TTLL11: variants seen among roughly 807,000 people sequenced by gnomAD.
TTLL11 encodes tubulin polyglutamylase TTLL11.
TTLL11 carries 42 observed loss-of-function variants against 51.7 expected under a neutral mutation model. The observed-to-expected ratio is 0.81, with a 90% CI of 0.64 to 1.05. The LOEUF is 1.05. Among genes scored for constraint, TTLL11 ranks in the 50% least tolerant of loss-of-function variants. The pLI is 0.00. For synonymous variants in TTLL11, 381 were observed against 383.5 expected (o/e 0.99, Z 0.08); for missense variants, 799 against 940.4 (o/e 0.85, Z 1.97).
At chr9:122,025,534 C>T (rs1470386559) in intron 3 of TTLL11, among the ~76,000 whole-genome samples, 2 of 152,176 alleles carry the variant, frequency 1.3e-5, no homozygotes, top group Admixed American at 6.5e-5. Flanking sequence ...TTGGGAGGAT[C>T]GCTTGAGCCT....
At chr9:122,077,816 C>T (rs1254754868) in intron 1 of TTLL11, among the ~76,000 whole-genome samples, 1 of 124,194 alleles carries the variant, frequency 8.1e-6, no homozygotes, top group African/African-American at 3.0e-5. Context: ...TGTATTAGAC[C>T]ATAAAGCAAA....
intron 3 of TTLL11, among the ~76,000 whole-genome samples, chr9:122,020,367 A>C (rs1329154134): frequency 1.3e-5 from 2 of 152,058 alleles, no homozygotes; most frequent in African/African-American, 2.4e-5. Flanking sequence ...ATCACCAACA[A>C]AGTTTTACTC....
chr9:121,844,464 C>T (rs1837455222), intron 8 of TTLL11, among the ~76,000 whole-genome samples: 1 of 152,088 alleles, frequency 6.6e-6, no homozygotes, highest in Non-Finnish European at 1.5e-5. Context: ...GGCTGGCTTT[C>T]AACAAAACAT....
At chr9:121,938,145 C>T (rs1030877126) in intron 6 of TTLL11, among the ~76,000 whole-genome samples, 6 of 151,988 alleles carry the variant, frequency 3.9e-5, no homozygotes, top group African/African-American at 1.4e-4. Context: ...AAACATTAGC[C>T]GGGCATGGTG....
In TTLL11 at chr9:121,890,145, T is replaced by C. The variant is rs887036886; in HGVS notation, c.1482-19397A>G. 6.6e-6 allele frequency among the ~76,000 whole-genome samples: 1 copy of C among 152,122 alleles called. No homozygotes were observed. The highest frequency in any genetic ancestry group is 1.5e-5 in the Non-Finnish European group (1 of 68,016). On this transcript the variant is annotated intron_variant, in intron 6 of 8. Transcript: ENST00000321582. The surrounding 1 kb of genome is among the most constrained non-coding windows in gnomAD (Gnocchi z 4.3). ...GGCAAGTTACTTTTCAGTTAGTCATTTTTCTACCCCAATTCTGAGCCTCCA... is the reference window on the plus strand; with the variant it reads ...GGCAAGTTACTTTTCAGTTAGTCATCTTTCTACCCCAATTCTGAGCCTCCA...
At chr9:121,878,844 A>G (rs1167453130) in intron 6 of TTLL11, among the ~76,000 whole-genome samples, 1 of 152,162 alleles carries the variant, frequency 6.6e-6, no homozygotes, top group Non-Finnish European at 1.5e-5. Context: ...GAGGCAATGA[A>G]ACATTTTGTA....
At chr9:122,031,107 T>G (rs1176566566) in intron 3 of TTLL11, among the ~76,000 whole-genome samples, 1 of 152,180 alleles carries the variant, frequency 6.6e-6, no homozygotes, top group Non-Finnish European at 1.5e-5. Context: ...CACAAAGGCT[T>G]TGAAGGGGTC....
intron 6 of TTLL11, among the ~76,000 whole-genome samples, chr9:121,883,691 A>C (rs1402965339): frequency 6.6e-6 from 1 of 152,160 alleles, no homozygotes; most frequent in Non-Finnish European, 1.5e-5. Flanking sequence ...TCACTGCACA[A>C]TTCCCCAAGC....
chr9:122,072,597 T>G (rs1845757426), intron 1 of TTLL11, among the ~76,000 whole-genome samples: 1 of 152,142 alleles, frequency 6.6e-6, no homozygotes, highest in Non-Finnish European at 1.5e-5. Context: ...TGAGCTGAGA[T>G]CGTGCCACTG....
chr9:121,967,752 T>C (rs1355084694), intron 6 of TTLL11, among the ~76,000 whole-genome samples: 1 of 152,188 alleles, frequency 6.6e-6, no homozygotes, highest in Non-Finnish European at 1.5e-5. Flanking sequence ...CAAATGTCCA[T>C]CAACTGACAA....
intron 1 of TTLL11, among the ~76,000 whole-genome samples, chr9:122,049,377 C>T (rs1039873289): frequency 2.0e-5 from 3 of 152,166 alleles, no homozygotes; most frequent in Non-Finnish European, 4.4e-5. Flanking sequence ...AAATAACTTT[C>T]CCAAGGTCAC....
At chr9:121,912,385 C>A (rs13283685) in intron 6 of TTLL11, among the ~76,000 whole-genome samples, 9 of 151,174 alleles carry the variant, frequency 6.0e-5, no homozygotes, top group Admixed American at 2.6e-4. Context: ...CCTTCCCCCC[C>A]GCCCCCGTCC....
chr9:122,036,898 T>A (rs949444468), intron 2 of TTLL11, among the ~76,000 whole-genome samples: 2 of 152,084 alleles, frequency 1.3e-5, no homozygotes, highest in Non-Finnish European at 2.9e-5. Context: ...GGTTTAAGAG[T>A]CTGCTTTGTC....
intron 8 of TTLL11, among the ~76,000 whole-genome samples, chr9:121,846,013 A>C: frequency 6.6e-6 from 1 of 152,146 alleles, no homozygotes; most frequent in African/African-American, 2.4e-5. Flanking sequence ...ACTGAAACAC[A>C]GCTTAAAGAT....
At chr9:121,864,195 T>C (rs575373120) in intron 7 of TTLL11, among the ~76,000 whole-genome samples, 23 of 152,352 alleles carry the variant, frequency 1.5e-4, no homozygotes, top group Middle Eastern at 6.8e-3. Context: ...CCTCTCTGTG[T>C]AGGCAGTATT....
At chr9:122,089,106 TA>T (rs1451726093) in intron 1 of TTLL11, among the ~76,000 whole-genome samples, 1 of 151,826 alleles carries the variant, frequency 6.6e-6, no homozygotes, top group Non-Finnish European at 1.5e-5. Context: ...GGCTCAGTCC[TA>T]CCCTGTTAAA....
chr9:121,988,985 C>G (rs941814420), intron 4 of TTLL11: 1 of 1,186,744 alleles, frequency 8.4e-7, no homozygotes, highest in Non-Finnish European at 1.2e-6. Context: ...TTACAGGTAA[C>G]AGAGGGGAAG....
chr9:122,013,410 C>T (rs1475976573), intron 3 of TTLL11, among the ~76,000 whole-genome samples: 2 of 152,044 alleles, frequency 1.3e-5, no homozygotes, highest in Non-Finnish European at 1.5e-5. Context: ...TTGGAGACAT[C>T]GGCTCTGAAC....
chr9:121,886,557 G>C (rs1288188914), intron 6 of TTLL11, among the ~76,000 whole-genome samples: 1 of 152,178 alleles, frequency 6.6e-6, no homozygotes, highest in South Asian at 2.1e-4. Flanking sequence ...TTTGGAGGGG[G>C]CATGGCCCTG....
Sources: allele counts gnomAD v4.1 joint callset (sites outside exome capture counted in the v4.1 genomes callset), GRCh38; gene constraint gnomAD v4.1.1; non-coding constraint Gnocchi (gnomAD v3.1); transcripts MANE v1.5; gene names NCBI Gene and HGNC (gene_info 2026-07-23, HGNC 2026-07-21).